The following UNC13B variants were observed in gnomAD, a reference collection of about 807,000 sequenced individuals.
UNC13B encodes protein unc-13 homolog B.
In UNC13B, 144 loss-of-function variants were observed where a neutral mutation model predicts 211.0. That is an observed-to-expected ratio of 0.68 (90% CI 0.60 to 0.78). UNC13B has a LOEUF of 0.78. Ranked by LOEUF, UNC13B falls within the 30% of genes least tolerant of loss-of-function variation. The probability of loss-of-function intolerance (pLI) is 0.00; values close to 1 mark genes in which losing one functional copy is unlikely to be tolerated. For synonymous variants in UNC13B, 709 were observed against 725.8 expected (o/e 0.98, Z 0.37); for missense variants, 1,777 against 2,002.0 (o/e 0.89, Z 2.14).
chr9:35,261,047 G>A (rs1827244608), intron 7 of UNC13B, among the ~76,000 whole-genome samples: 2 of 152,068 alleles, frequency 1.3e-5, no homozygotes, highest in Admixed American at 1.3e-4. Flanking sequence ...AGCCATTCTT[G>A]TCTTTTGCCT....
At chr9:35,226,108 C>G (rs915235763) in intron 1 of UNC13B, among the ~76,000 whole-genome samples, 2 of 152,136 alleles carry the variant, frequency 1.3e-5, no homozygotes, top group African/African-American at 4.8e-5. Flanking sequence ...TGTTCTTTAG[C>G]CAGTAAATGC....
intron 1 of UNC13B, among the ~76,000 whole-genome samples, chr9:35,223,633 T>C (rs1824680530): frequency 6.6e-6 from 1 of 152,182 alleles, no homozygotes; most frequent in African/African-American, 2.4e-5. Context: ...GTAGTTTGTC[T>C]CTTTATTGAT....
intron 13 of UNC13B, among the ~76,000 whole-genome samples, chr9:35,370,678 C>T (rs1834060075): frequency 1.3e-5 from 2 of 152,206 alleles, no homozygotes; most frequent in Admixed American, 1.3e-4. Flanking sequence ...AGGCATCTAG[C>T]TCTTATAGGT....
Position 35,304,707 on chromosome 9 carries a change from T to C in UNC13B, c.5303T>C (p.Phe1768Ser). Residue 1768 changes from phenylalanine to serine, a missense_variant, in exon 9 of 40, where the codon TTT becomes TCT. Physicochemically the swap from Phe to Ser is radical, Grantham distance 155. Transcript: ENST00000635942. ...LGASVGSTLK[F>S]DKSESLEALA... Reference sequence around the variant, plus strand: ...GCCTCAGTTGGTAGTACTTTGAAGTTTGATAAGAGTGAATCCTTAGAGGCT... The same window carrying C: ...GCCTCAGTTGGTAGTACTTTGAAGTCTGATAAGAGTGAATCCTTAGAGGCT... The C allele has an allele frequency of 2.5e-6, 1 of 398,862 alleles. No individual in the cohort carries two copies. Among genetic ancestry groups the C allele is most frequent in the South Asian group, 1.3e-4 (1 of 7,854 alleles). The allele number at this position is 398,862 out of a possible 1,614,324, so 24.7% of individuals were successfully genotyped here.
At position 35,403,436 on chromosome 9, in the gene UNC13B, G is replaced by T; in HGVS notation, c.12578-4G>T. On this transcript the variant is annotated splice_region_variant and splice_polypyrimidine_tract_variant and intron_variant, in intron 38 of 39. Coordinates refer to ENST00000635942, the MANE Select transcript of UNC13B (RefSeq NM_001371189.2). ...TCCCTCACAGGTTTCCCTTGTTTGG[G>T]CAGTGGTGGCTGCCAATGACCTCAA... is the stretch of plus-strand genomic sequence containing the variant. The T allele has an allele frequency of 6.2e-7, 1 of 1,613,308 alleles. No individual in the cohort carries two copies. The highest frequency in any genetic ancestry group is 8.5e-7 in the Non-Finnish European group (1 of 1,179,904).
chr9:35,196,514 C>A (rs1338417938), intron 1 of UNC13B, among the ~76,000 whole-genome samples: 2 of 152,130 alleles, frequency 1.3e-5, no homozygotes, highest in African/African-American at 4.8e-5. Context: ...ATATATTCTC[C>A]TATTTCTGCC....
chr9:35,355,950 T>C (rs1479097201), intron 11 of UNC13B, among the ~76,000 whole-genome samples: 1 of 152,140 alleles, frequency 6.6e-6, no homozygotes, highest in Non-Finnish European at 1.5e-5. Flanking sequence ...GCTTGCAGAG[T>C]TTCCTTTCTG....
intron 1 of UNC13B, among the ~76,000 whole-genome samples, chr9:35,172,330 ATTCTC>A (rs1369561557): frequency 7.2e-5 from 11 of 152,124 alleles, no homozygotes; most frequent in African/African-American, 2.4e-4. Context: ...GAACACTGGA[ATTCTC>A]TTCTGGCTAT....
chr9:35,290,386 A>C (rs934662977), intron 7 of UNC13B, among the ~76,000 whole-genome samples: 1 of 151,058 alleles, frequency 6.6e-6, no homozygotes, highest in African/African-American at 2.4e-5. Context: ...TCTCTAAGAA[A>C]CCCTTCCTTG....
chr9:35,189,176 G>A (rs113179734), intron 1 of UNC13B, among the ~76,000 whole-genome samples: 8 of 152,172 alleles, frequency 5.3e-5, no homozygotes, highest in African/African-American at 1.9e-4. Context: ...ACTAAAAAAC[G>A]CATTTTACTG....
intron 6 of UNC13B, among the ~76,000 whole-genome samples, chr9:35,254,679 T>G (rs893612498): frequency 6.6e-6 from 1 of 151,662 alleles, no homozygotes; most frequent in African/African-American, 2.4e-5. Flanking sequence ...GTTATCACAT[T>G]ACTATTATAA....
chr9:35,201,113 G>T (rs1348131192), intron 1 of UNC13B, among the ~76,000 whole-genome samples: 3 of 152,096 alleles, frequency 2.0e-5, no homozygotes, highest in Non-Finnish European at 4.4e-5. Context: ...TTTGTCTTTG[G>T]TTCTGTTTGT....
intron 11 of UNC13B, among the ~76,000 whole-genome samples, chr9:35,365,699 C>T (rs1833729179): frequency 6.6e-6 from 1 of 152,124 alleles, no homozygotes; most frequent in African/African-American, 2.4e-5. Context: ...ATACTATCCC[C>T]ATTGTCTTTT....
At chr9:35,370,487 T>C in intron 13 of UNC13B, 91 bp downstream of exon 13, 1 of 1,207,700 alleles carries the variant, frequency 8.3e-7, no homozygotes, top group East Asian at 2.4e-5. Context: ...AAGTCGTCCA[T>C]TTAATGACTC....
At chr9:35,343,427 G>C (rs778737751) in intron 11 of UNC13B, among the ~76,000 whole-genome samples, 2 of 152,174 alleles carry the variant, frequency 1.3e-5, no homozygotes, top group Non-Finnish European at 2.9e-5. Flanking sequence ...CATCTATTGA[G>C]GTAACCAGGT....
intron 12 of UNC13B, among the ~76,000 whole-genome samples, chr9:35,368,203 C>G (rs1382330222): frequency 6.6e-6 from 1 of 152,134 alleles, no homozygotes; most frequent in Non-Finnish European, 1.5e-5. Context: ...TGCTCCTCTC[C>G]CTCCTCCTAC....
In UNC13B at chr9:35,362,966, G is replaced by C. The variant is rs148445929; in HGVS notation, c.9415-3981G>C. Reference sequence around the variant, plus strand: ...CTTGCTTGGGTGGGCATCAGAGAAGGCTTCCCAGAACTATGCCTTGGAGGA... The same window carrying C: ...CTTGCTTGGGTGGGCATCAGAGAAGCCTTCCCAGAACTATGCCTTGGAGGA... On this transcript the variant is annotated intron_variant, in intron 11 of 39. Coordinates refer to ENST00000635942, the MANE Select transcript of UNC13B (RefSeq NM_001371189.2). Among the ~76,000 whole-genome samples the C allele has an allele frequency of 2.1e-3, 316 of 152,302 alleles. 2 individuals carry two copies. The highest frequency in any genetic ancestry group is 0.014 in the South Asian group (67 of 4,820).
intron 36 of UNC13B, 21 bp from the exon 37 acceptor site, chr9:35,400,275 G>A (rs4878613): frequency 0.11 from 169,498 of 1,611,510 alleles, 13,191 homozygotes; most frequent in African/African-American, 0.34. Context: ...AAGCAGTCAC[G>A]GGTGCTCTTT....
At position 35,237,843 on chromosome 9, in the gene UNC13B, A is replaced by G. The variant is rs1224847073; in HGVS notation, c.394+17A>G. On this transcript the variant is annotated intron_variant, in intron 5 of 39. Transcript: ENST00000635942. ...TGCCTTTTGGTGAGTAAAATTTTAA[A>G]ACTATTTAATAATTTTTACCATATT... The G allele has an allele frequency of 6.3e-7, 1 of 1,591,774 alleles. No individual in the cohort carries two copies. Among genetic ancestry groups the G allele is most frequent in the Admixed American group, 1.9e-5 (1 of 53,414 alleles).
Sources: gnomAD v4.1 joint callset for allele counts (sites outside exome capture counted in the v4.1 genomes callset) on GRCh38, gnomAD v4.1.1 for gene constraint, MANE v1.5 for transcripts, NCBI Gene and HGNC (gene_info 2026-07-23, HGNC 2026-07-21) for gene names.